TRIM5: variants seen among roughly 807,000 people sequenced by gnomAD.
TRIM5 encodes tripartite motif-containing protein 5.
A neutral mutation model predicts 35.6 loss-of-function variants in TRIM5; 31 were observed. The observed-to-expected ratio is 0.87, with a 90% CI of 0.65 to 1.18. TRIM5 has a LOEUF of 1.18. TRIM5 is among the 50% of genes most tolerant of loss of function. The probability of loss-of-function intolerance (pLI) is 0.00; values close to 1 mark genes in which losing one functional copy is unlikely to be tolerated. For missense variants in TRIM5, 609 were observed against 591.6 expected, an observed-to-expected ratio of 1.03 and a Z score of -0.31; for synonymous variants, 243 against 215.6, an observed-to-expected ratio of 1.13 and a Z score of -1.11.
At chr11:5,619,687 A>ATT in the TRIM5 span, 1 of 99,444 alleles carries the variant, frequency 1.0e-5, no homozygotes, top group Non-Finnish European at 2.0e-5. Flanking sequence ...TCCTGTTTTA[A>ATT]ATTTTTTTTT....
At position 5,665,333 on chromosome 11, in the gene TRIM5, C is replaced by T. The variant is rs138877546; in HGVS notation, c.958G>A (p.Val320Met). 1.9e-6 allele frequency: 3 copies of T among 1,613,872 alleles called. No homozygotes were observed. The highest frequency in any genetic ancestry group is 2.5e-6 in the Non-Finnish European group (3 of 1,179,994). Residue 320 changes from valine (V) to methionine (M), a missense_variant, in exon 8 of 8, where the codon GTG (valine) becomes ATG (methionine). Transcript: ENST00000380034. The stretch of plus-strand genomic sequence containing the variant: ...ATTATCTGTGGTTTCGGAGAGCTCA[C>T]TTGTCTCTTATCTTCAGAAATGACA... The part of the protein sequence containing the change: ...CAVISEDKRQ[V>M]SSPKPQIIYG...
rs201837034 is a variant in TRIM5 at position 5,680,044 on chromosome 11, T to C, written c.134A>G (p.Lys45Arg). ...CQACLTANHK[K>R]SMLDKGESSC... ...ACTCTCTCCTTTGTCTAGCATGGACTTCTTGTGGTTTGCAGTGAGGCATGC... is the reference window on the plus strand; with the variant it reads ...ACTCTCTCCTTTGTCTAGCATGGACCTCTTGTGGTTTGCAGTGAGGCATGC... Residue 45 changes from lysine to arginine, a missense_variant, in exon 2 of 8, where the codon AAG (lysine) becomes AGG (arginine). Physicochemically the swap from Lys to Arg is conservative, Grantham distance 26. Coordinates refer to ENST00000380034, the MANE Select transcript of TRIM5 (RefSeq NM_033034.3). The C allele has an allele frequency of 6.2e-7, 1 of 1,614,164 alleles. No homozygotes were observed. Among genetic ancestry groups the C allele is most frequent in the East Asian group, 2.2e-5 (1 of 44,874 alleles).
At chr11:5,596,760 C>G in the TRIM5 span, 2 of 1,327,104 alleles carry the variant, frequency 1.5e-6, no homozygotes, top group East Asian at 2.3e-5. Flanking sequence ...CAGAGTCGTG[C>G]GTGGTTGAGT....
the TRIM5 span, among the ~76,000 whole-genome samples, chr11:5,638,257 A>C: frequency 1.3e-5 from 2 of 152,234 alleles, no homozygotes; most frequent in African/African-American, 4.8e-5. Context: ...AGTTGCTATC[A>C]ACTAAAATCT....
chr11:5,593,329 G>T, the TRIM5 span, among the ~76,000 whole-genome samples: 1 of 152,124 alleles, frequency 6.6e-6, no homozygotes, highest in Non-Finnish European at 1.5e-5. Flanking sequence ...AGTTAAGAAG[G>T]GTTTTCCATG....
At chr11:5,605,487 G>A in the TRIM5 span, 6 of 1,614,202 alleles carry the variant, frequency 3.7e-6, no homozygotes, top group Admixed American at 1.7e-5. Flanking sequence ...GAATGATCTG[G>A]TCCACCAGAC....
At chr11:5,668,978 T>A (rs995172857) in intron 4 of TRIM5, among the ~76,000 whole-genome samples, 5 of 152,098 alleles carry the variant, frequency 3.3e-5, no homozygotes, top group Non-Finnish European at 7.4e-5. Flanking sequence ...TTCTCTCTTA[T>A]ACCACATTGT....
At chr11:5,624,474 G>A in the TRIM5 span, among the ~76,000 whole-genome samples, 2 of 152,308 alleles carry the variant, frequency 1.3e-5, no homozygotes, top group South Asian at 2.1e-4. Context: ...CAAGTGGATC[G>A]TTGGAGCTGA....
At chr11:5,635,028 G>C in the TRIM5 span, among the ~76,000 whole-genome samples, 2 of 151,990 alleles carry the variant, frequency 1.3e-5, no homozygotes, top group Non-Finnish European at 2.9e-5. Flanking sequence ...AATTTATGAA[G>C]TAAGGGAATA....
the TRIM5 span, among the ~76,000 whole-genome samples, chr11:5,616,243 G>A: frequency 7.8e-3 from 1,132 of 146,026 alleles, 97 homozygotes; most frequent in African/African-American, 0.026. Flanking sequence ...GAGCCACCGC[G>A]CCCGGCCTCA....
the TRIM5 span, among the ~76,000 whole-genome samples, chr11:5,609,433 G>A: frequency 6.6e-6 from 1 of 152,092 alleles, no homozygotes; most frequent in Admixed American, 6.6e-5. Context: ...CCAGCAATAG[G>A]CCCCTGGTGT....
chr11:5,614,226 G>A, the TRIM5 span, among the ~76,000 whole-genome samples: 1 of 152,070 alleles, frequency 6.6e-6, no homozygotes, highest in Admixed American at 6.6e-5. Context: ...TAAAACAATC[G>A]GTCATGAGTG....
chr11:5,648,559 G>A, the TRIM5 span, among the ~76,000 whole-genome samples: 1 of 152,042 alleles, frequency 6.6e-6, no homozygotes, highest in African/African-American at 2.4e-5. Context: ...CCTCACACAC[G>A]AGGCTTCATC....
intron 1 of TRIM5, among the ~76,000 whole-genome samples, chr11:5,682,952 G>T (rs1277088406): frequency 6.6e-6 from 1 of 152,230 alleles, no homozygotes; most frequent in Non-Finnish European, 1.5e-5. Flanking sequence ...TGGAGGGAGA[G>T]GGGCGAGCGG....
downstream of TRIM5, among the ~76,000 whole-genome samples, chr11:5,662,924 T>A (rs1269081156): frequency 6.6e-6 from 1 of 152,134 alleles, no homozygotes; most frequent in African/African-American, 2.4e-5. Context: ...AGCCCAGGGC[T>A]TCGGGATCCG....
At chr11:5,592,443 C>G in the TRIM5 span, among the ~76,000 whole-genome samples, 1 of 152,148 alleles carries the variant, frequency 6.6e-6, no homozygotes, top group Non-Finnish European at 1.5e-5. Flanking sequence ...CCAAATCATA[C>G]AGATGGTAAG....
the TRIM5 span, among the ~76,000 whole-genome samples, chr11:5,634,130 A>G: frequency 6.6e-6 from 1 of 152,230 alleles, no homozygotes; most frequent in Non-Finnish European, 1.5e-5. Context: ...GAGGAAGGCT[A>G]GCAAATACTG....
downstream of TRIM5, among the ~76,000 whole-genome samples, chr11:5,659,941 C>T (rs958569143): frequency 2.4e-4 from 37 of 152,080 alleles, no homozygotes; most frequent in African/African-American, 7.5e-4. Context: ...TTTACGGGTA[C>T]TCTACCATCA....
At chr11:5,679,678 G>T in intron 2 of TRIM5, 83 bp downstream of exon 2, 1 of 1,396,936 alleles carries the variant, frequency 7.2e-7, no homozygotes, top group Non-Finnish European at 9.7e-7. Context: ...ATCATGACAA[G>T]GCAGTTAATG....
Sources: allele counts gnomAD v4.1 joint callset (sites outside exome capture counted in the v4.1 genomes callset), GRCh38; gene constraint gnomAD v4.1.1; transcripts MANE v1.5; gene names NCBI Gene and HGNC (gene_info 2026-07-23, HGNC 2026-07-21).